The following SLC25A13 variants were observed in gnomAD, a reference collection of about 807,000 sequenced individuals.
The protein encoded by SLC25A13 is solute carrier family 25 member 13.
SLC25A13 carries 70 observed loss-of-function variants against 85.5 expected under a neutral mutation model. The ratio of observed to expected loss-of-function variants is 0.82; its 90% confidence interval spans 0.68 to 1.00. The LOEUF (loss-of-function observed/expected upper bound fraction) is 1.00, where lower values mean the gene tolerates loss of function less well. SLC25A13 is among the 50% of genes least tolerant of loss of function. SLC25A13 has a pLI of 0.00. For missense variants in SLC25A13, 765 were observed against 819.8 expected, an observed-to-expected ratio of 0.93 and a Z score of 0.82; for synonymous variants, 259 against 288.7, an observed-to-expected ratio of 0.90 and a Z score of 1.04.
chr7:96,297,003 A>G, intron 1 of SLC25A13, 52 bp from the exon 2 acceptor site: 1 of 1,471,638 alleles, frequency 6.8e-7, no homozygotes, highest in Non-Finnish European at 9.5e-7. Flanking sequence ...CTGAGAAATC[A>G]AGCTAGCCGA....
intron 1 of SLC25A13, among the ~76,000 whole-genome samples, chr7:96,308,781 A>C (rs1799852155): frequency 6.6e-6 from 1 of 152,222 alleles, no homozygotes; most frequent in Non-Finnish European, 1.5e-5. Context: ...GAAGAAAAAC[A>C]ACAACAAAAT....
chr7:96,241,751 T>C (rs186229974), intron 3 of SLC25A13, among the ~76,000 whole-genome samples: 191 of 152,190 alleles, frequency 1.3e-3, no homozygotes, highest in Non-Finnish European at 2.1e-3. Context: ...TGAAACAAAA[T>C]AGCAAAGTCC....
chr7:96,176,840 G>A (rs560642935), intron 11 of SLC25A13, among the ~76,000 whole-genome samples: 3 of 152,230 alleles, frequency 2.0e-5, no homozygotes, highest in East Asian at 1.9e-4. Context: ...TATTTCCAAC[G>A]GGCTGGCAGC....
At chr7:96,271,625 T>C (rs1033660270) in intron 3 of SLC25A13, among the ~76,000 whole-genome samples, 1 of 152,202 alleles carries the variant, frequency 6.6e-6, no homozygotes, top group Admixed American at 6.5e-5. Context: ...GAGCTTCAGT[T>C]ATCTCATCGA....
At chr7:96,252,627 T>C (rs748600596) in intron 3 of SLC25A13, among the ~76,000 whole-genome samples, 2 of 152,188 alleles carry the variant, frequency 1.3e-5, no homozygotes, top group Non-Finnish European at 2.9e-5. Flanking sequence ...GTCTGAGGGA[T>C]GCAAGGGAAC....
chr7:96,307,012 C>A, intron 1 of SLC25A13: 1 of 797,852 alleles, frequency 1.3e-6, no homozygotes, highest in Non-Finnish European at 2.0e-6. Context: ...TGCGGTGGGT[C>A]CCTTTTGTAC....
At chr7:96,270,510 G>C (rs540166490) in intron 3 of SLC25A13, among the ~76,000 whole-genome samples, 2 of 151,508 alleles carry the variant, frequency 1.3e-5, no homozygotes, top group East Asian at 3.9e-4. Context: ...ATCTGAGATC[G>C]TGCCACTGCA....
At chr7:96,264,100 C>A (rs776387351) in intron 3 of SLC25A13, among the ~76,000 whole-genome samples, 54 of 152,292 alleles carry the variant, frequency 3.5e-4, no homozygotes, top group Non-Finnish European at 7.4e-4. Context: ...CCTGCACCTA[C>A]CTCCCTGGAA....
chr7:96,229,190 C>G lies in SLC25A13; in HGVS notation c.328+5612G>C, dbSNP rs903637796. 2.0e-5 allele frequency among the ~76,000 whole-genome samples: 3 copies of G among 152,166 alleles called. No homozygotes were observed. The East Asian group carries it at 5.8e-4, about 29-fold the overall frequency. ...TGGGCTCCTGAGTCGGGTGGGGACT[C>G]GGAGAACTTTTATGTCTAGCAGGAG... On this transcript the variant is annotated intron_variant, in intron 4 of 17. Transcript: ENST00000265631.
At chr7:96,292,048 A>G (rs1371963512) in intron 2 of SLC25A13, among the ~76,000 whole-genome samples, 1 of 152,210 alleles carries the variant, frequency 6.6e-6, no homozygotes, top group East Asian at 1.9e-4. Context: ...CTGGCAAACC[A>G]AATTCAGCAG....
At position 96,277,269 on chromosome 7, in the gene SLC25A13, T is replaced by C; in HGVS notation, c.139A>G (p.Ile47Val). The part of the protein sequence containing the change: ...PNDFVTRYLN[I>V]FGESQPNPKT... Reference sequence around the variant, plus strand: ...GGATTAGGCTGGCTTTCTCCAAAAATGTTCAAGTATCGAGTGACAAAGTCA... The same window carrying C: ...GGATTAGGCTGGCTTTCTCCAAAAACGTTCAAGTATCGAGTGACAAAGTCA... The change falls in exon 3 of 18, where the codon ATT (isoleucine) becomes GTT (valine). Residue 47 changes from isoleucine (I) to valine (V), a missense_variant. Coordinates refer to ENST00000265631, the MANE Select transcript of SLC25A13 (RefSeq NM_014251.3). 6.2e-7 allele frequency: 1 copy of C among 1,612,590 alleles called. No homozygotes were observed. The highest frequency in any genetic ancestry group is 8.5e-7 in the Non-Finnish European group (1 of 1,179,300).
intron 14 of SLC25A13, among the ~76,000 whole-genome samples, chr7:96,134,328 C>T (rs1461537809): frequency 3.3e-5 from 5 of 151,990 alleles, no homozygotes; most frequent in East Asian, 1.9e-4. Context: ...TGAGCCACTG[C>T]GCCTGGCCAC....
intron 1 of SLC25A13, among the ~76,000 whole-genome samples, chr7:96,311,081 T>A (rs1392614378): frequency 1.3e-5 from 2 of 152,194 alleles, no homozygotes; most frequent in African/African-American, 4.8e-5. Flanking sequence ...CATACATACA[T>A]ACATAATATG....
At chr7:96,253,575 T>C (rs1486557908) in intron 3 of SLC25A13, among the ~76,000 whole-genome samples, 3 of 152,194 alleles carry the variant, frequency 2.0e-5, no homozygotes, top group Non-Finnish European at 2.9e-5. Flanking sequence ...GCTTTTCCCA[T>C]GCAAAAGACC....
In SLC25A13 at chr7:96,121,673, T is replaced by C. The variant is rs754713031; in HGVS notation, c.1823A>G (p.Tyr608Cys). 30 of 1,614,024 alleles carry C rather than the reference T, an allele frequency of 1.9e-5. No individual in the cohort carries two copies. The highest frequency in any genetic ancestry group is 2.0e-5 in the Non-Finnish European group (24 of 1,180,026). ...LTYELLQRWF[Y>C]IDFGGVKPMG... The stretch of plus-strand genomic sequence containing the variant: ...TACTTACACTCCTCCAAAATCAATG[T>C]AGAACCATCGCTGTAGCAATTCGTA... The change falls in exon 17 of 18, where the codon TAC (tyrosine) becomes TGC (cysteine). Residue 608 changes from tyrosine (Y) to cysteine (C), a missense_variant. Coordinates refer to ENST00000265631, the MANE Select transcript of SLC25A13 (RefSeq NM_014251.3).
rs181566129 is a variant in SLC25A13, at chr7:96,131,694, G to A, written c.1591+49C>T. On this transcript the variant is annotated intron_variant, in intron 15 of 17. Coordinates refer to ENST00000265631, the MANE Select transcript of SLC25A13 (RefSeq NM_014251.3). ...TGTAGTAGCATGCAGCTAGGGAAGG[G>A]GGGCAGCAAGGGTCAGGGAAGTAAG... is the stretch of plus-strand genomic sequence containing the variant. 3 of 1,612,252 alleles carry A rather than the reference G, an allele frequency of 1.9e-6. No individual in the cohort carries two copies. The African/African-American group carries it at 4.0e-5, about 22-fold the overall frequency.
intron 3 of SLC25A13, among the ~76,000 whole-genome samples, chr7:96,251,228 C>G (rs1290497439): frequency 2.4e-4 from 37 of 151,968 alleles, no homozygotes; most frequent in Non-Finnish European, 2.9e-5. Flanking sequence ...GGCAAGAAGA[C>G]CAATGTCACC....
intron 5 of SLC25A13, among the ~76,000 whole-genome samples, chr7:96,208,575 A>G (rs1050234749): frequency 5.4e-5 from 8 of 146,844 alleles, no homozygotes; most frequent in Non-Finnish European, 1.0e-4. Flanking sequence ...GTGCGATCTC[A>G]GCTCACTGCA....
chr7:96,136,664 T>C (rs536226188), intron 14 of SLC25A13, among the ~76,000 whole-genome samples: 1 of 152,202 alleles, frequency 6.6e-6, no homozygotes, highest in Non-Finnish European at 1.5e-5. Flanking sequence ...TCTTTTTGCA[T>C]GCTAATTCCT....
Sources: gnomAD v4.1 joint callset for allele counts (sites outside exome capture counted in the v4.1 genomes callset) on GRCh38, gnomAD v4.1.1 for gene constraint, MANE v1.5 for transcripts, NCBI Gene and HGNC (gene_info 2026-07-23, HGNC 2026-07-21) for gene names.